PRXL2A: variants seen among roughly 807,000 people sequenced by gnomAD.
PRXL2A encodes the protein peroxiredoxin like 2A.
PRXL2A carries 26 observed loss-of-function variants against 25.6 expected under a neutral mutation model. That is an observed-to-expected ratio of 1.02 (90% CI 0.74 to 1.41). The LOEUF is 1.41. Among genes scored for constraint, PRXL2A ranks in the 40% most tolerant of loss-of-function variants. The pLI is 0.00. For missense variants in PRXL2A, 246 were observed against 273.9 expected (o/e 0.90, Z 0.72); for synonymous variants, 98 against 102.9 (o/e 0.95, Z 0.29).
At chr10:80,417,416 G>T (rs980500983) in intron 1 of PRXL2A, among the ~76,000 whole-genome samples, 3 of 152,150 alleles carry the variant, frequency 2.0e-5, no homozygotes, top group Non-Finnish European at 4.4e-5. Context: ...AAGGGGGTTG[G>T]GTAAGGAGCC....
intron 1 of PRXL2A, among the ~76,000 whole-genome samples, chr10:80,416,300 T>C (rs567006235): frequency 6.6e-6 from 1 of 152,356 alleles, no homozygotes; most frequent in African/African-American, 2.4e-5. Flanking sequence ...CAGCATGCAC[T>C]TGTGGTGAGC....
At chr10:80,424,439 C>G (rs945028051) in intron 3 of PRXL2A, among the ~76,000 whole-genome samples, 11 of 144,458 alleles carry the variant, frequency 7.6e-5, no homozygotes, top group Non-Finnish European at 1.5e-4. Flanking sequence ...AAAAAATTAG[C>G]CAGGCATGTT....
At chr10:80,429,713 G>A (rs1845182959) in intron 5 of PRXL2A, among the ~76,000 whole-genome samples, 1 of 151,144 alleles carries the variant, frequency 6.6e-6, no homozygotes, top group Admixed American at 6.6e-5. Context: ...CCTTGGAGGT[G>A]TTTCCCAGCG....
intron 2 of PRXL2A, among the ~76,000 whole-genome samples, chr10:80,421,261 T>C (rs968107568): frequency 6.6e-6 from 1 of 152,214 alleles, no homozygotes; most frequent in East Asian, 1.9e-4. Flanking sequence ...TATCTCCCTC[T>C]TCTGGGGGAC....
chr10:80,416,890 G>T (rs1198449909), intron 1 of PRXL2A, among the ~76,000 whole-genome samples: 1 of 152,164 alleles, frequency 6.6e-6, no homozygotes, highest in African/African-American at 2.4e-5. Flanking sequence ...TTGAATAGTG[G>T]GTAGTAAGAA....
Position 80,433,101 on chromosome 10 carries a change from C to G in PRXL2A, c.*1002C>G, listed in dbSNP as rs1845322826. The G allele has an allele frequency of 6.6e-6, 1 of 152,122 alleles. No individual in the cohort carries two copies. Among genetic ancestry groups the G allele is most frequent in the Admixed American group, 6.5e-5 (1 of 15,268 alleles). 9.4% of individuals were successfully genotyped at this position (152,122 alleles called of 1,614,324 possible). ...TTCTCCATGGCTGAGGGGTAAAGTG[C>G]CTCGGGGGATTCCTCTGGTTCTAGC... On this transcript the variant is annotated 3_prime_UTR_variant, in exon 6 of 6. Coordinates refer to ENST00000606162, the MANE Select transcript of PRXL2A (RefSeq NM_032333.5).
rs1387892621 is a variant in PRXL2A, at chr10:80,425,806, C to CTA, written c.271-58_271-57dup. ...TGGGCTGCAGAGGGAACCTGACACC[C>CTA]TATGTGGAGGCCCACAGCCAGCTGG... On this transcript the variant is annotated intron_variant, in intron 3 of 5. Coordinates refer to ENST00000606162, the MANE Select transcript of PRXL2A (RefSeq NM_032333.5). The CTA allele has an allele frequency of 2.5e-6, 4 of 1,605,574 alleles. No individual in the cohort carries two copies. In the African/African-American group the frequency reaches 5.4e-5, roughly 21 times the overall value.
chr10:80,432,133 G>A lies in PRXL2A; in HGVS notation c.*34G>A. ...AACTGCCCAGCTCAGGGATAACCAG[G>A]GACATTCACCTGTGTTCATGGGATG... On this transcript the variant is annotated 3_prime_UTR_variant, in exon 6 of 6. Transcript: ENST00000606162. The A allele has an allele frequency of 7.6e-7, 1 of 1,322,020 alleles. No homozygotes were observed. Among genetic ancestry groups the A allele is most frequent in the Non-Finnish European group, 1.1e-6 (1 of 926,152 alleles). 81.9% of individuals were successfully genotyped at this position (1,322,020 alleles called of 1,614,324 possible).
At chr10:80,429,886 G>A (rs962227775) in intron 5 of PRXL2A, among the ~76,000 whole-genome samples, 2 of 152,062 alleles carry the variant, frequency 1.3e-5, no homozygotes, top group African/African-American at 2.4e-5. Flanking sequence ...CTTGCCTGGC[G>A]ATGACTCATC....
chr10:80,425,970 G>A lies in PRXL2A; in HGVS notation c.375G>A (p.Gln125=), dbSNP rs1029121541. 33 of 1,614,242 alleles carry A rather than the reference G, an allele frequency of 2.0e-5. No individual in the cohort carries two copies. The African/African-American group carries it at 2.9e-4, about 14-fold the overall frequency. Residue 125 remains glutamine (Q), a synonymous_variant, in exon 4 of 6, where the codon CAG becomes CAA. Coordinates refer to ENST00000606162, the MANE Select transcript of PRXL2A (RefSeq NM_032333.5). Reference sequence around the variant, plus strand: ...TCAGGACTGAAGTGAAGGATTTCCAGCCTTATTTCAAAGGAGAAATCTTCC... The same window carrying A: ...TCAGGACTGAAGTGAAGGATTTCCAACCTTATTTCAAAGGAGAAATCTTCC... The part of the protein sequence containing the change: ...EHIRTEVKDF[Q]PYFKGEIFLD...
In PRXL2A at chr10:80,436,473, C is replaced by T. The variant is rs3195896; in HGVS notation, c.*4374C>T. ...CCAATATGCAGCCAAGGTTGAAAAC[C>T]ACCCTTTAAAAGGCTCGGCATCCAG... On this transcript the variant is annotated 3_prime_UTR_variant, in exon 6 of 6. Coordinates refer to ENST00000606162, the MANE Select transcript of PRXL2A (RefSeq NM_032333.5). 0.36 allele frequency: 54,379 copies of T among 151,948 alleles called. 11,170 individuals are homozygous for T. Among genetic ancestry groups the T allele is most frequent in the East Asian group, 0.82 (4,224 of 5,162 alleles). The allele number at this position is 151,948 out of a possible 1,614,324, so 9.4% of individuals were successfully genotyped here. A position where few individuals can be genotyped will look rare whatever the true frequency, so the allele number is the denominator to read the frequency against.
intron 1 of PRXL2A, among the ~76,000 whole-genome samples, chr10:80,419,298 C>CT (rs11423912): frequency 0.35 from 45,456 of 128,876 alleles, 9,208 homozygotes; most frequent in East Asian, 0.8. Flanking sequence ...CTTCCTCTTT[C>CT]TTTTTTTTTT....
chr10:80,409,155 C>A, intron 1 of PRXL2A: 1 of 817,356 alleles, frequency 1.2e-6, no homozygotes, highest in Non-Finnish European at 1.5e-6. Flanking sequence ...CGTTGTTCAG[C>A]GTTTCGGAGG....
intron 3 of PRXL2A, among the ~76,000 whole-genome samples, chr10:80,423,280 C>T (rs1240648302): frequency 6.6e-6 from 1 of 152,194 alleles, no homozygotes; most frequent in African/African-American, 2.4e-5. Flanking sequence ...TTGGATCTAG[C>T]CTTGTCCCTT....
intron 1 of PRXL2A, among the ~76,000 whole-genome samples, chr10:80,413,521 A>C (rs529187510): frequency 6.6e-6 from 1 of 152,202 alleles, no homozygotes; most frequent in African/African-American, 2.4e-5. Flanking sequence ...CTAGTATGAC[A>C]TGTGGGCTGT....
chr10:80,430,413 T>G (rs1023108808), intron 5 of PRXL2A, among the ~76,000 whole-genome samples: 3 of 152,178 alleles, frequency 2.0e-5, no homozygotes, highest in African/African-American at 7.2e-5. Context: ...GAATTTTCTT[T>G]TTAATAATAA....
chr10:80,427,577 G>T, intron 5 of PRXL2A, 81 bp downstream of exon 5: 2 of 1,474,988 alleles, frequency 1.4e-6, no homozygotes. Context: ...TGGAGTGGGG[G>T]TTGACTTTCC....
intron 2 of PRXL2A, among the ~76,000 whole-genome samples, chr10:80,422,193 G>A (rs572944285): frequency 1.3e-5 from 2 of 152,256 alleles, no homozygotes; most frequent in South Asian, 2.1e-4. Context: ...GGGACCTACC[G>A]GGTATATAAC....
chr10:80,412,904 G>A (rs190133334), intron 1 of PRXL2A, among the ~76,000 whole-genome samples: 25 of 152,206 alleles, frequency 1.6e-4, no homozygotes, highest in Middle Eastern at 3.4e-3. Context: ...CTCTGACTAC[G>A]GCTTGGAAAA....
Sources: gnomAD v4.1 joint callset for allele counts (sites outside exome capture counted in the v4.1 genomes callset) on GRCh38, gnomAD v4.1.1 for gene constraint, MANE v1.5 for transcripts, NCBI Gene and HGNC (gene_info 2026-07-23, HGNC 2026-07-21) for gene names.